Variants in SEPHS1 observed in about 807,000 individuals in gnomAD.
The protein encoded by SEPHS1 is selenophosphate synthetase 1.
A neutral mutation model predicts 39.2 loss-of-function variants in SEPHS1; 7 were observed. That is an observed-to-expected ratio of 0.18 (90% CI 0.10 to 0.34). The LOEUF (loss-of-function observed/expected upper bound fraction) is 0.34. SEPHS1 is among the 10% of genes least tolerant of loss of function. SEPHS1 has a pLI of 1.00. For missense variants in SEPHS1, 253 were observed against 514.5 expected, an observed-to-expected ratio of 0.49 and a Z score of 4.92; for synonymous variants, 190 against 195.5, an observed-to-expected ratio of 0.97 and a Z score of 0.23.
chr10:13,324,939 G>A (rs1475885954), intron 7 of SEPHS1, among the ~76,000 whole-genome samples: 2 of 152,152 alleles, frequency 1.3e-5, no homozygotes, highest in Non-Finnish European at 2.9e-5. Context: ...TTCCTTTTAT[G>A]CTTATTTGCC....
chr10:13,338,727 A>G lies in SEPHS1; in HGVS notation c.275T>C (p.Ile92Thr). ...TACCATCATGTAAGGGTCGTCTACG[A>G]TCGGGTAAATGTAATCTGTGGTTTG... ...LVQTTDYIYP[I>T]VDDPYMMGRI... The change falls in exon 3 of 9, where the codon ATC becomes ACC. Residue 92 changes from isoleucine (I) to threonine (T), a missense_variant. Coordinates refer to ENST00000327347, the MANE Select transcript of SEPHS1 (RefSeq NM_012247.5). 1 of 1,614,094 alleles carries G rather than the reference A, an allele frequency of 6.2e-7. No individual in the cohort carries two copies. Among genetic ancestry groups the G allele is most frequent in the Non-Finnish European group, 8.5e-7 (1 of 1,179,912 alleles).
intron 7 of SEPHS1, among the ~76,000 whole-genome samples, chr10:13,326,986 C>T (rs1447263758): frequency 6.6e-6 from 1 of 151,924 alleles, no homozygotes; most frequent in East Asian, 1.9e-4. Flanking sequence ...GCCTATAATC[C>T]TAGCACCTTG....
At chr10:13,325,833 G>A (rs1335796865) in intron 7 of SEPHS1, among the ~76,000 whole-genome samples, 1 of 133,436 alleles carries the variant, frequency 7.5e-6, no homozygotes, top group Non-Finnish European at 1.6e-5. Context: ...GAGAGGCACA[G>A]GTTGCAGTGA....
Position 13,333,845 on chromosome 10 carries a change from T to C in SEPHS1, c.532A>G (p.Thr178Ala). 1 of 1,613,846 alleles carries C rather than the reference T, an allele frequency of 6.2e-7. No individual in the cohort carries two copies. Among genetic ancestry groups the C allele is most frequent in the Non-Finnish European group, 8.5e-7 (1 of 1,179,956 alleles). ...PWIVLGGVATTVCQPNEFIMP... is the reference protein window; with the variant it reads ...PWIVLGGVATAVCQPNEFIMP... ...ATAAATTCATTGGGTTGGCAGACAGTGGTAGCCACTCCTCCCAGGACAATC... is the reference window on the plus strand; with the variant it reads ...ATAAATTCATTGGGTTGGCAGACAGCGGTAGCCACTCCTCCCAGGACAATC... Residue 178 changes from threonine (T) to alanine (A), a missense_variant, in exon 5 of 9, where the codon ACT becomes GCT. Around this residue, in one of 4 missense-constraint regions of SEPHS1, gnomAD observed 107 missense variants for 257.1 expected, o/e 0.42. Transcript: ENST00000327347.
At chr10:13,347,581 G>A (rs1341852564) in intron 1 of SEPHS1, among the ~76,000 whole-genome samples, 1 of 147,148 alleles carries the variant, frequency 6.8e-6, no homozygotes, top group African/African-American at 2.4e-5. Flanking sequence ...CGGGTCGACA[G>A]GGCCCGCGCG....
Position 13,318,071 on chromosome 10 carries a change from C to T in SEPHS1, c.*1071G>A, listed in dbSNP as rs1471440989. 6.6e-6 allele frequency: 1 copy of T among 152,122 alleles called. No homozygotes were observed. The highest frequency in any genetic ancestry group is 1.5e-5 in the Non-Finnish European group (1 of 68,046). 9.4% of individuals were successfully genotyped at this position (152,122 alleles called of 1,614,324 possible). A position where few individuals can be genotyped will look rare whatever the true frequency, so the allele number is the denominator to read the frequency against. On this transcript the variant is annotated 3_prime_UTR_variant, in exon 9 of 9. Transcript: ENST00000327347. ...ATACTAAAAGGGGCATCTGATTATA[C>T]AAGAGCAATTTAAAAAATTAAATAT...
intron 3 of SEPHS1, 83 bp from the exon 4 acceptor site, chr10:13,336,433 C>A (rs1479023797): frequency 9.8e-7 from 1 of 1,017,678 alleles, no homozygotes; most frequent in Admixed American, 1.9e-5. Flanking sequence ...GTGGACTCCA[C>A]AGAGAACGTG....
intron 2 of SEPHS1, among the ~76,000 whole-genome samples, chr10:13,339,794 A>G (rs534868558): frequency 6.9e-4 from 105 of 152,288 alleles, no homozygotes; most frequent in Non-Finnish European, 1.1e-3. Context: ...TGCGATGTAA[A>G]TATTTGTTAT....
At chr10:13,326,766 T>G (rs1186996687) in intron 7 of SEPHS1, among the ~76,000 whole-genome samples, 1 of 152,106 alleles carries the variant, frequency 6.6e-6, no homozygotes, top group East Asian at 1.9e-4. Context: ...ACTGCTGGAC[T>G]CAAGTGATCC....
At position 13,333,101 on chromosome 10, in the gene SEPHS1, T is replaced by C. The variant is rs935254935; in HGVS notation, c.560+716A>G. Among the ~76,000 whole-genome samples, 4 of 151,872 alleles carry C rather than the reference T, an allele frequency of 2.6e-5. No individual in the cohort carries two copies. In the East Asian group the frequency reaches 5.8e-4, roughly 22 times the overall value. ...ACCACTGACTCTTTAAATGGGTGAA[T>C]GGTATAGTACGCAAATTATATCTTA... is the stretch of plus-strand genomic sequence containing the variant. On this transcript the variant is annotated intron_variant, in intron 5 of 8. Coordinates refer to ENST00000327347, the MANE Select transcript of SEPHS1 (RefSeq NM_012247.5).
intron 8 of SEPHS1, among the ~76,000 whole-genome samples, chr10:13,321,720 C>T (rs959442603): frequency 5.3e-5 from 8 of 152,216 alleles, no homozygotes; most frequent in Admixed American, 2.6e-4. Flanking sequence ...CAGGAGGACG[C>T]GCCATCTGGC....
chr10:13,324,320 A>C (rs951759118), intron 7 of SEPHS1, among the ~76,000 whole-genome samples: 1 of 152,214 alleles, frequency 6.6e-6, no homozygotes, highest in Non-Finnish European at 1.5e-5. Context: ...TTGTTTATCC[A>C]TTCATCCACT....
At chr10:13,338,270 C>A (rs1833696984) in intron 3 of SEPHS1, among the ~76,000 whole-genome samples, 1 of 152,160 alleles carries the variant, frequency 6.6e-6, no homozygotes, top group East Asian at 1.9e-4. Context: ...GATACTAGCT[C>A]CTTAATCTCT....
intron 2 of SEPHS1, among the ~76,000 whole-genome samples, chr10:13,341,762 G>T (rs902977753): frequency 7.3e-5 from 11 of 151,582 alleles, no homozygotes; most frequent in Admixed American, 5.9e-4. Flanking sequence ...TTCCAGACCA[G>T]CCTGACCAAC....
chr10:13,321,168 C>A (rs545255723), intron 8 of SEPHS1, among the ~76,000 whole-genome samples: 6 of 152,270 alleles, frequency 3.9e-5, no homozygotes, highest in African/African-American at 1.2e-4. Flanking sequence ...ATCTCCCAGG[C>A]AGCCTTCACA....
At chr10:13,329,340 T>C (rs1833400023) in intron 6 of SEPHS1, among the ~76,000 whole-genome samples, 1 of 152,228 alleles carries the variant, frequency 6.6e-6, no homozygotes, top group South Asian at 2.1e-4. Flanking sequence ...GTTTTATTTA[T>C]ACCCCAAACA....
intron 8 of SEPHS1, among the ~76,000 whole-genome samples, 172 bp downstream of exon 8, chr10:13,322,663 C>T (rs1172069874): frequency 6.6e-6 from 1 of 152,274 alleles, no homozygotes; most frequent in Non-Finnish European, 1.5e-5. Flanking sequence ...CCCAGGATGG[C>T]GGGGACCAGA....
intron 8 of SEPHS1, among the ~76,000 whole-genome samples, chr10:13,321,102 G>A (rs1457055932): frequency 6.6e-6 from 1 of 152,276 alleles, no homozygotes; most frequent in Non-Finnish European, 1.5e-5. Flanking sequence ...ACAGGTCGAC[G>A]TGACCAGGGC....
At chr10:13,334,242 T>C (rs1833556898) in intron 4 of SEPHS1, among the ~76,000 whole-genome samples, 1 of 151,928 alleles carries the variant, frequency 6.6e-6, no homozygotes, top group African/African-American at 2.4e-5. Context: ...CTACGAAACA[T>C]GTAAAAATTG....
Sources: allele counts gnomAD v4.1 joint callset (sites outside exome capture counted in the v4.1 genomes callset), GRCh38; gene constraint gnomAD v4.1.1; regional missense constraint gnomAD v4.1.1; transcripts MANE v1.5; gene names NCBI Gene and HGNC (gene_info 2026-07-23, HGNC 2026-07-21).